SMYD3: variants seen among roughly 807,000 people sequenced by gnomAD.
SMYD3 encodes the protein histone-lysine N-methyltransferase SMYD3.
In SMYD3, 36 loss-of-function variants were observed where a neutral mutation model predicts 57.7. The observed-to-expected ratio is 0.62, with a 90% CI of 0.48 to 0.82. SMYD3 has a LOEUF of 0.82. Ranked by LOEUF, SMYD3 falls within the 40% of genes least tolerant of loss-of-function variation. The pLI is 0.00. For synonymous variants in SMYD3, 211 were observed against 195.0 expected (o/e 1.08, Z -0.68); for missense variants, 515 against 538.8 (o/e 0.96, Z 0.44).
At chr1:245,762,365 G>A (rs145749835) in intron 11 of SMYD3, among the ~76,000 whole-genome samples, 1,577 of 152,250 alleles carry the variant, frequency 0.01, 25 homozygotes, top group African/African-American at 0.035. Context: ...GATCACTTAC[G>A]AACATCTACT....
At position 245,968,407 on chromosome 1, in the gene SMYD3, C is replaced by T. The variant is rs955201218; in HGVS notation, c.532-38470G>A. On this transcript the variant is annotated intron_variant, in intron 5 of 11. Transcript: ENST00000490107. ...ATCTGAAATGCCCTTTACCAGACTA[C>T]TGGAATGACAACTCTCCTTCAAGGC... 3.3e-5 allele frequency among the ~76,000 whole-genome samples: 5 copies of T among 152,276 alleles called. No homozygotes were observed. The East Asian group carries it at 9.7e-4, about 29-fold the overall frequency.
At chr1:245,946,088 T>G (rs941175406) in intron 5 of SMYD3, among the ~76,000 whole-genome samples, 1 of 152,120 alleles carries the variant, frequency 6.6e-6, no homozygotes, top group Non-Finnish European at 1.5e-5. Context: ...GTAACAAACC[T>G]GAACGTCCTG....
intron 5 of SMYD3, among the ~76,000 whole-genome samples, chr1:246,008,131 T>C (rs2059208812): frequency 6.6e-6 from 1 of 152,192 alleles, no homozygotes; most frequent in Non-Finnish European, 1.5e-5. Flanking sequence ...ATGAAGTCCC[T>C]TCATTTCTCT....
intron 5 of SMYD3, among the ~76,000 whole-genome samples, chr1:246,265,893 A>AT (rs1425705471): frequency 6.6e-6 from 1 of 152,128 alleles, no homozygotes; most frequent in East Asian, 1.9e-4. Flanking sequence ...GAGAAGATGG[A>AT]TTTTCTCCTC....
In SMYD3 at chr1:245,856,659, G is replaced by C. The variant is rs575707545; in HGVS notation, c.1076+1837C>G. Among the ~76,000 whole-genome samples, 551 of 152,334 alleles carry C rather than the reference G, an allele frequency of 3.6e-3. 4 individuals carry two copies. Among genetic ancestry groups the C allele is most frequent in the Middle Eastern group, 0.01 (3 of 292 alleles). On this transcript the variant is annotated intron_variant, in intron 10 of 11. Coordinates refer to ENST00000490107, the MANE Select transcript of SMYD3 (RefSeq NM_001167740.2). ...AAGGTTGCAAAATACGTGCAGAACA[G>C]ACACCCGTGTAGGTGTGTGGTCTTC...
At chr1:246,063,588 CCTCCCCTCCCCTCCT>C (rs1339605199) in intron 5 of SMYD3, among the ~76,000 whole-genome samples, 2 of 147,368 alleles carry the variant, frequency 1.4e-5, no homozygotes, top group African/African-American at 5.0e-5. Context: ...ACTCCCATTC[CCTCCCCTCCCCTCCT>C]CTCCCCTCCC....
intron 11 of SMYD3, among the ~76,000 whole-genome samples, chr1:245,753,030 G>T (rs1167936990): frequency 2.0e-5 from 3 of 152,162 alleles, no homozygotes; most frequent in Admixed American, 2.0e-4. Context: ...ATACCCTGAG[G>T]GGACACAGGT....
intron 5 of SMYD3, among the ~76,000 whole-genome samples, chr1:246,267,196 G>A (rs1478598698): frequency 6.6e-6 from 1 of 152,002 alleles, no homozygotes; most frequent in Non-Finnish European, 1.5e-5. Context: ...AAGAGATAAC[G>A]GAATACATAC....
At chr1:246,382,568 C>T (rs1191092982) in intron 1 of SMYD3, among the ~76,000 whole-genome samples, 2 of 150,340 alleles carry the variant, frequency 1.3e-5, no homozygotes, top group Non-Finnish European at 3.0e-5. Context: ...CTAGGCTGGT[C>T]CCTGTGACCC....
At position 246,506,643 on chromosome 1, in the gene SMYD3, C is replaced by A. The variant is rs540972665; in HGVS notation, c.164+411G>T. On this transcript the variant is annotated intron_variant, in intron 1 of 11. Transcript: ENST00000490107. Reference sequence around the variant, plus strand: ...GCAGGGGAGCCTGATTTATACTCATCCCAGCTCCCACCCAGCCCCACGCCC... The same window carrying A: ...GCAGGGGAGCCTGATTTATACTCATACCAGCTCCCACCCAGCCCCACGCCC... Among the ~76,000 whole-genome samples, 331 of 152,280 alleles carry A rather than the reference C, an allele frequency of 2.2e-3. 1 individual carries two copies. The highest frequency in any genetic ancestry group is 6.8e-3 in the Middle Eastern group (2 of 294).
intron 5 of SMYD3, among the ~76,000 whole-genome samples, chr1:246,198,149 GC>G (rs2062854792): frequency 6.6e-6 from 1 of 152,118 alleles, no homozygotes; most frequent in African/African-American, 2.4e-5. Flanking sequence ...GACAAATAAG[GC>G]CCAATCAGCC....
chr1:245,882,071 C>T (rs1449571998), intron 8 of SMYD3, among the ~76,000 whole-genome samples: 2 of 152,132 alleles, frequency 1.3e-5, no homozygotes, highest in African/African-American at 2.4e-5. Context: ...CTGGCTTTTG[C>T]GAGAAAACTA....
intron 5 of SMYD3, among the ~76,000 whole-genome samples, chr1:245,988,157 A>G (rs1035734177): frequency 2.6e-5 from 4 of 151,820 alleles, no homozygotes; most frequent in Non-Finnish European, 5.9e-5. Flanking sequence ...CCCACAAACC[A>G]GTCCTAACCA....
intron 1 of SMYD3, among the ~76,000 whole-genome samples, chr1:246,378,006 C>G (rs930606308): frequency 6.6e-6 from 1 of 152,170 alleles, no homozygotes; most frequent in African/African-American, 2.4e-5. Flanking sequence ...GACAAATGGT[C>G]AGGGTTTGAG....
chr1:246,306,060 A>G (rs1430674504), intron 5 of SMYD3: 1 of 152,226 alleles, frequency 6.6e-6, no homozygotes, highest in East Asian at 1.9e-4. Flanking sequence ...GAAGGCTTAT[A>G]CAAATTTAAG....
At chr1:246,182,390 T>C (rs1251033871) in intron 5 of SMYD3, among the ~76,000 whole-genome samples, 1 of 152,106 alleles carries the variant, frequency 6.6e-6, no homozygotes, top group African/African-American at 2.4e-5. Flanking sequence ...CTGTCACACA[T>C]AGAACTGATC....
chr1:246,478,367 T>C (rs112765197), intron 1 of SMYD3, among the ~76,000 whole-genome samples: 77 of 144,138 alleles, frequency 5.3e-4, no homozygotes, highest in Middle Eastern at 4.0e-3. Flanking sequence ...ACCTGTCCTC[T>C]GTCCTGGAGC....
chr1:245,935,972 T>C (rs1443897847), intron 5 of SMYD3, among the ~76,000 whole-genome samples: 1 of 152,166 alleles, frequency 6.6e-6, no homozygotes, highest in Non-Finnish European at 1.5e-5. Context: ...CACAGCATGA[T>C]GACTACAGTT....
chr1:245,993,958 C>T (rs887630706), intron 5 of SMYD3, among the ~76,000 whole-genome samples: 9 of 152,174 alleles, frequency 5.9e-5, no homozygotes, highest in Non-Finnish European at 1.2e-4. Flanking sequence ...TCCAATATTC[C>T]ATCCAGGGGC....
Sources: allele counts gnomAD v4.1 joint callset (sites outside exome capture counted in the v4.1 genomes callset), GRCh38; gene constraint gnomAD v4.1.1; transcripts MANE v1.5; gene names NCBI Gene and HGNC (gene_info 2026-07-23, HGNC 2026-07-21).